Variants in PPFIBP2 observed in about 807,000 individuals in gnomAD.
PPFIBP2 encodes the protein PPFIB scaffold protein 2, also known as liprin-beta-2.
Under a neutral mutation model 118.3 loss-of-function variants are expected in PPFIBP2, and 118 were observed. That is an observed-to-expected ratio of 1.00 (90% CI 0.86 to 1.16). The LOEUF is 1.16. PPFIBP2 is among the 50% of genes most tolerant of loss of function. The pLI is 0.00. For missense variants in PPFIBP2, 1,195 were observed against 1,073.1 expected (o/e 1.11, Z -1.59); for synonymous variants, 414 against 397.4 (o/e 1.04, Z -0.50).
Position 7,565,618 on chromosome 11 carries a change from T to G in PPFIBP2, c.130T>G (p.Tyr44Asp), listed in dbSNP as rs1854880855. ...GCCTGGACTGGCTTCCCCGGCCTCC[T>G]ACATGAACCCCTTCCCGGTGCTCCA... is the stretch of plus-strand genomic sequence containing the variant. The part of the protein sequence containing the change: ...CEPGLASPAS[Y>D]MNPFPVLHLI... Residue 44 changes from tyrosine to aspartate, a missense_variant, in exon 3 of 24, where the codon TAC becomes GAC. By Grantham distance (160) the Tyr-to-Asp change is radical. Transcript: ENST00000299492. The G allele has an allele frequency of 6.2e-7, 1 of 1,614,104 alleles. No homozygotes were observed. The highest frequency in any genetic ancestry group is 1.3e-5 in the African/African-American group (1 of 74,940).
chr11:7,636,288 C>T (rs111653983), intron 14 of PPFIBP2, among the ~76,000 whole-genome samples: 3 of 151,572 alleles, frequency 2.0e-5, no homozygotes, highest in African/African-American at 4.9e-5. Flanking sequence ...TATATTTTCA[C>T]GGTAAAATGG....
intron 10 of PPFIBP2, 67 bp downstream of exon 10, chr11:7,629,601 G>A (rs1298470359): frequency 2.0e-6 from 3 of 1,489,606 alleles, no homozygotes; most frequent in East Asian, 2.3e-5. Flanking sequence ...AAAGCCAGGG[G>A]CAGTTCTGCT....
intron 19 of PPFIBP2, 107 bp downstream of exon 19, chr11:7,649,018 A>G (rs4237757): frequency 0.77 from 1,033,192 of 1,340,234 alleles, 399,164 homozygotes; most frequent in East Asian, 0.78. Flanking sequence ...CCTTGTAAAA[A>G]GCAGAGGAAT....
At chr11:7,654,405 C>T (rs532946295), downstream of PPFIBP2, among the ~76,000 whole-genome samples, 17 of 152,334 alleles carry the variant, frequency 1.1e-4, no homozygotes, top group African/African-American at 2.6e-4. Flanking sequence ...TGGGCCTCAT[C>T]GCAGAAGAGT....
chr11:7,630,554 C>T lies in PPFIBP2; in HGVS notation c.965-371C>T, dbSNP rs187001137. Among the ~76,000 whole-genome samples, 356 of 152,282 alleles carry T rather than the reference C, an allele frequency of 2.3e-3. 2 individuals carry two copies. Among genetic ancestry groups the T allele is most frequent in the Middle Eastern group, 0.01 (3 of 292 alleles). ...CTCGAACTCCTGACCTTAAGTGATC[C>T]GCCTGCCTCAGCCTCCCAAAGTGCT... On this transcript the variant is annotated intron_variant, in intron 10 of 23. Transcript: ENST00000299492.
chr11:7,624,606 C>A (rs1042454823), intron 7 of PPFIBP2, among the ~76,000 whole-genome samples: 4 of 152,246 alleles, frequency 2.6e-5, no homozygotes, highest in Admixed American at 1.3e-4. Flanking sequence ...AGAGGAGAAG[C>A]CTTTGCTGTC....
intron 5 of PPFIBP2, among the ~76,000 whole-genome samples, chr11:7,602,098 A>C (rs1443008785): frequency 6.7e-6 from 1 of 149,444 alleles, no homozygotes; most frequent in Non-Finnish European, 1.5e-5. Context: ...AAAAAAAAAA[A>C]AAAAAAAAAA....
In PPFIBP2 at chr11:7,653,472, T is replaced by C. The variant is rs1255441874; in HGVS notation, c.*254T>C. On this transcript the variant is annotated 3_prime_UTR_variant, in exon 24 of 24. Coordinates refer to ENST00000299492, the MANE Select transcript of PPFIBP2 (RefSeq NM_003621.5). ...AAAGACACTTAAAGACACTTTTACA[T>C]GTCTAGTAATTCTTGATGTTCATCT... 8 of 1,470,460 alleles carry C rather than the reference T, an allele frequency of 5.4e-6. No homozygotes were observed. Among genetic ancestry groups the C allele is most frequent in the Non-Finnish European group, 7.2e-6 (8 of 1,106,020 alleles). The allele number at this position is 1,470,460 out of a possible 1,614,324, so 91.1% of individuals were successfully genotyped here.
intron 5 of PPFIBP2, among the ~76,000 whole-genome samples, chr11:7,607,483 A>C (rs1284621336): frequency 2.0e-5 from 3 of 151,998 alleles, no homozygotes; most frequent in Non-Finnish European, 4.4e-5. Context: ...CAGCCTCCCA[A>C]AGTGCTAGGC....
intron 1 of PPFIBP2, among the ~76,000 whole-genome samples, chr11:7,516,086 G>A (rs1849204302): frequency 1.3e-5 from 2 of 152,154 alleles, no homozygotes; most frequent in African/African-American, 2.4e-5. Context: ...GGGGAGTTTT[G>A]TAAAACGTTC....
chr11:7,640,732 C>G (rs1410878512), intron 15 of PPFIBP2, among the ~76,000 whole-genome samples: 2 of 152,212 alleles, frequency 1.3e-5, no homozygotes, highest in Non-Finnish European at 2.9e-5. Context: ...CAAGAGCTGC[C>G]TGTGGCCTGG....
chr11:7,553,063 T>G (rs563858809), intron 2 of PPFIBP2, among the ~76,000 whole-genome samples: 31 of 133,830 alleles, frequency 2.3e-4, no homozygotes, highest in African/African-American at 7.0e-4. Context: ...ATGCTAGATG[T>G]TTTTTTTTCA....
intron 1 of PPFIBP2, among the ~76,000 whole-genome samples, chr11:7,541,728 A>G (rs1851802236): frequency 1.3e-5 from 2 of 152,168 alleles, no homozygotes; most frequent in South Asian, 4.1e-4. Flanking sequence ...TCCTATTTCC[A>G]AATGGCTACT....
In PPFIBP2 at chr11:7,622,858, G is replaced by C. The variant is rs145993261; in HGVS notation, c.711+1831G>C. Among the ~76,000 whole-genome samples, 28 of 152,300 alleles carry C rather than the reference G, an allele frequency of 1.8e-4. No individual in the cohort carries two copies. In the East Asian group the frequency reaches 5.4e-3, roughly 29 times the overall value. Reference sequence around the variant, plus strand: ...TTTGAAGTTGTACATACCGCCCTCTGTCATAAAACCAAATAACACTTTTCT... The same window carrying C: ...TTTGAAGTTGTACATACCGCCCTCTCTCATAAAACCAAATAACACTTTTCT... On this transcript the variant is annotated intron_variant, in intron 7 of 23. Transcript: ENST00000299492.
intron 1 of PPFIBP2, among the ~76,000 whole-genome samples, chr11:7,524,124 CTG>C (rs1262915731): frequency 6.7e-6 from 1 of 149,426 alleles, no homozygotes; most frequent in Non-Finnish European, 1.5e-5. Context: ...CTGTGTGTGT[CTG>C]TGCGTGTGTG....
intron 6 of PPFIBP2, among the ~76,000 whole-genome samples, chr11:7,615,171 A>AT (rs1848483259): frequency 6.6e-6 from 1 of 152,120 alleles, no homozygotes; most frequent in African/African-American, 2.4e-5. Context: ...CCCCATCTCT[A>AT]CTAAAACATA....
chr11:7,531,104 C>G (rs1850636721), intron 1 of PPFIBP2, among the ~76,000 whole-genome samples: 1 of 152,132 alleles, frequency 6.6e-6, no homozygotes, highest in African/African-American at 2.4e-5. Flanking sequence ...AGTACAGTGT[C>G]ATTCTCCAGC....
the PPFIBP2 span, chr11:7,666,121 G>T: frequency 1.6e-6 from 1 of 616,826 alleles, no homozygotes; most frequent in Non-Finnish European, 2.9e-6. Context: ...TGGTGAAGGG[G>T]TCAGTGCCCA....
At chr11:7,562,311 T>C (rs1854390940) in intron 2 of PPFIBP2, among the ~76,000 whole-genome samples, 1 of 152,218 alleles carries the variant, frequency 6.6e-6, no homozygotes, top group African/African-American at 2.4e-5. Flanking sequence ...AGTTCCTTGA[T>C]GTCTGCTGAC....
Sources: gnomAD v4.1 joint callset for allele counts (sites outside exome capture counted in the v4.1 genomes callset) on GRCh38, gnomAD v4.1.1 for gene constraint, MANE v1.5 for transcripts, NCBI Gene and HGNC (gene_info 2026-07-23, HGNC 2026-07-21) for gene names.